TAFA1: variants seen among roughly 807,000 people sequenced by gnomAD.
TAFA1 encodes the protein chemokine-like protein TAFA-1.
TAFA1 carries 4 observed loss-of-function variants against 18.5 expected under a neutral mutation model. The ratio of observed to expected loss-of-function variants is 0.22; its 90% CI spans 0.11 to 0.49. The LOEUF is 0.49. TAFA1 is among the 20% of genes least tolerant of loss of function. TAFA1 has a pLI of 0.98. For synonymous variants in TAFA1, 56 were observed against 55.2 expected, an observed-to-expected ratio of 1.01 and a Z score of -0.06; for missense variants, 147 against 169.0, an observed-to-expected ratio of 0.87 and a Z score of 0.72.
At chr3:68,531,820 T>TG (rs997633324) in intron 3 of TAFA1, among the ~76,000 whole-genome samples, 1 of 152,072 alleles carries the variant, frequency 6.6e-6, no homozygotes, top group Non-Finnish European at 1.5e-5. Context: ...GCATTCCTGG[T>TG]GGGGGGCCCT....
intron 3 of TAFA1, among the ~76,000 whole-genome samples, chr3:68,426,626 AC>A (rs2071059548): frequency 6.6e-6 from 1 of 151,916 alleles, no homozygotes; most frequent in Non-Finnish European, 1.5e-5. Flanking sequence ...AGGAAGAAAG[AC>A]AAAAAAATTA....
intron 2 of TAFA1, among the ~76,000 whole-genome samples, chr3:68,126,054 C>G (rs570478120): frequency 6.6e-6 from 1 of 152,284 alleles, no homozygotes; most frequent in South Asian, 2.1e-4. Context: ...TTAATTGTAT[C>G]ACTCTCTCTG....
intron 2 of TAFA1, among the ~76,000 whole-genome samples, chr3:68,009,708 G>A (rs1704433132): frequency 6.6e-6 from 1 of 152,022 alleles, no homozygotes; most frequent in Non-Finnish European, 1.5e-5. Context: ...ATAGATCTTG[G>A]TCATAGCCAT....
At chr3:68,254,502 A>G (rs1030099167) in intron 2 of TAFA1, among the ~76,000 whole-genome samples, 1 of 152,088 alleles carries the variant, frequency 6.6e-6, no homozygotes, top group African/African-American at 2.4e-5. Flanking sequence ...CTCTGAAATG[A>G]AACACTTCCA....
At chr3:68,186,371 G>C (rs999955065) in intron 2 of TAFA1, among the ~76,000 whole-genome samples, 1 of 151,970 alleles carries the variant, frequency 6.6e-6, no homozygotes, top group African/African-American at 2.4e-5. Context: ...AAATGCCTCC[G>C]AGTTCCCAAG....
chr3:68,405,649 G>A (rs1226905302), intron 2 of TAFA1, among the ~76,000 whole-genome samples: 7 of 131,022 alleles, frequency 5.3e-5, no homozygotes, highest in African/African-American at 1.4e-4. Flanking sequence ...GTAGTGAGCT[G>A]TGATCATGCT....
At chr3:68,176,099 G>A (rs1310706805) in intron 2 of TAFA1, among the ~76,000 whole-genome samples, 2 of 152,200 alleles carry the variant, frequency 1.3e-5, no homozygotes, top group African/African-American at 2.4e-5. Flanking sequence ...CAGCCATGTG[G>A]AACTGTACAT....
chr3:68,169,968 T>C (rs1401894306), intron 2 of TAFA1, among the ~76,000 whole-genome samples: 1 of 152,090 alleles, frequency 6.6e-6, no homozygotes, highest in African/African-American at 2.4e-5. Flanking sequence ...GAATAAGTAC[T>C]CCCCAAAATC....
Position 68,358,717 on chromosome 3 carries a change from TTAAAA to T in TAFA1, c.119-58557_119-58553del, listed in dbSNP as rs530880343. Among the ~76,000 whole-genome samples the T allele has an allele frequency of 4.9e-3, 749 of 151,992 alleles. 2 individuals are homozygous for T. Among genetic ancestry groups the T allele is most frequent in the Middle Eastern group, 0.017 (5 of 294 alleles). On this transcript the variant is annotated intron_variant, in intron 2 of 4. Transcript: ENST00000478136. ...CTGGTGAATAAATGCTGCCCTTCCT[TTAAAA>T]TAAAACTTGTAGCCTTCAGGATGAC...
chr3:68,348,414 A>G (rs1469671725), intron 2 of TAFA1, among the ~76,000 whole-genome samples: 1 of 152,134 alleles, frequency 6.6e-6, no homozygotes, highest in African/African-American at 2.4e-5. Context: ...CTTTTCTTCT[A>G]CCATCAAATA....
chr3:68,130,341 G>A (rs146134598), intron 2 of TAFA1, among the ~76,000 whole-genome samples: 160 of 152,340 alleles, frequency 1.1e-3, no homozygotes, highest in African/African-American at 3.4e-3. Flanking sequence ...GGGCAGTGGA[G>A]CCTTTGGGTA....
intron 2 of TAFA1, among the ~76,000 whole-genome samples, chr3:68,229,376 A>G (rs1487677267): frequency 1.3e-5 from 2 of 152,198 alleles, no homozygotes; most frequent in African/African-American, 4.8e-5. Flanking sequence ...ATCTTATTCT[A>G]AAACAGAAAA....
intron 2 of TAFA1, among the ~76,000 whole-genome samples, chr3:68,226,508 T>C (rs2066802144): frequency 1.3e-5 from 2 of 152,126 alleles, no homozygotes; most frequent in Non-Finnish European, 2.9e-5. Flanking sequence ...AGTTCCAATA[T>C]AGGAGACACA....
At chr3:68,138,436 C>A (rs1185658496) in intron 2 of TAFA1, among the ~76,000 whole-genome samples, 1 of 152,170 alleles carries the variant, frequency 6.6e-6, no homozygotes, top group Non-Finnish European at 1.5e-5. Context: ...TATGTTTAGT[C>A]AAAGATTCTG....
chr3:68,212,358 C>T (rs546102630), intron 2 of TAFA1, among the ~76,000 whole-genome samples: 1 of 152,006 alleles, frequency 6.6e-6, no homozygotes, highest in Non-Finnish European at 1.5e-5. Flanking sequence ...TAATGGCAGC[C>T]ATTGAGAAGT....
chr3:68,134,342 C>G (rs1414485439), intron 2 of TAFA1, among the ~76,000 whole-genome samples: 2 of 151,710 alleles, frequency 1.3e-5, no homozygotes, highest in African/African-American at 2.4e-5. Context: ...ATAAGTTTCT[C>G]AAAGTACTGA....
intron 2 of TAFA1, among the ~76,000 whole-genome samples, chr3:68,054,406 G>T (rs139742553): frequency 2.0e-4 from 30 of 152,274 alleles, no homozygotes; most frequent in African/African-American, 7.2e-4. Context: ...TTCACCTTCT[G>T]TTGTGAGTGG....
intron 2 of TAFA1, among the ~76,000 whole-genome samples, chr3:68,033,663 G>A: frequency 6.6e-6 from 1 of 152,270 alleles, no homozygotes; most frequent in South Asian, 2.1e-4. Context: ...TTAAGGAATG[G>A]ATGGAATGAA....
At chr3:68,000,354 G>C (rs1199715887), upstream of TAFA1, among the ~76,000 whole-genome samples, 2 of 152,170 alleles carry the variant, frequency 1.3e-5, no homozygotes, top group Non-Finnish European at 2.9e-5. Flanking sequence ...TTGTATTTAA[G>C]ATTCTAGAGG....
Sources: allele counts gnomAD v4.1 joint callset (sites outside exome capture counted in the v4.1 genomes callset), GRCh38; gene constraint gnomAD v4.1.1; transcripts MANE v1.5; gene names NCBI Gene and HGNC (gene_info 2026-07-23, HGNC 2026-07-21).